DPP10: variants seen among roughly 807,000 people sequenced by gnomAD.
DPP10 encodes dipeptidyl peptidase like 10, also known as inactive dipeptidyl peptidase 10.
In DPP10, 33 loss-of-function variants were observed where a neutral mutation model predicts 120.9. The ratio of observed to expected loss-of-function variants is 0.27; its 90% CI spans 0.21 to 0.37. The LOEUF (loss-of-function observed/expected upper bound fraction) is 0.37, where lower values mean the gene tolerates loss of function less well. Among genes scored for constraint, DPP10 ranks in the 10% least tolerant of loss-of-function variants. The probability of loss-of-function intolerance (pLI) is 1.00; values close to 1 mark genes in which losing one functional copy is unlikely to be tolerated. For missense variants in DPP10, 816 were observed against 942.8 expected, an observed-to-expected ratio of 0.87 and a Z score of 1.76; for synonymous variants, 337 against 326.1, an observed-to-expected ratio of 1.03 and a Z score of -0.36.
At chr2:114,668,007 CA>C (rs1207478338) in intron 1 of DPP10, among the ~76,000 whole-genome samples, 2 of 151,884 alleles carry the variant, frequency 1.3e-5, no homozygotes, top group Non-Finnish European at 2.9e-5. Context: ...AGAAAGAAAA[CA>C]TTTTTTTTTT....
At chr2:115,530,728 G>A (rs1326261920) in intron 5 of DPP10, among the ~76,000 whole-genome samples, 1 of 151,856 alleles carries the variant, frequency 6.6e-6, no homozygotes, top group African/African-American at 2.4e-5. Flanking sequence ...AATAAGGCAA[G>A]CAGTCATTCT....
intron 1 of DPP10, among the ~76,000 whole-genome samples, chr2:114,483,085 C>T (rs966903094): frequency 6.6e-6 from 1 of 152,094 alleles, no homozygotes; most frequent in African/African-American, 2.4e-5. Context: ...AAACGTGACC[C>T]AGGAGTTGAA....
intron 1 of DPP10, among the ~76,000 whole-genome samples, chr2:114,721,596 T>A (rs1049721048): frequency 6.6e-6 from 1 of 152,184 alleles, no homozygotes; most frequent in African/African-American, 2.4e-5. Flanking sequence ...TACCTCTTGG[T>A]CCTTAGCTAC....
chr2:114,622,406 C>CT (rs11358430), intron 1 of DPP10, among the ~76,000 whole-genome samples: 133 of 143,268 alleles, frequency 9.3e-4, no homozygotes, highest in South Asian at 2.4e-3. Context: ...ATCCATCTAT[C>CT]TTTTTTTTTT....
chr2:115,669,216 G>A (rs1274438573), intron 5 of DPP10, among the ~76,000 whole-genome samples: 2 of 152,090 alleles, frequency 1.3e-5, no homozygotes, highest in Non-Finnish European at 2.9e-5. Flanking sequence ...GCTATCAGTT[G>A]AGAAGTAATC....
intron 10 of DPP10, among the ~76,000 whole-genome samples, chr2:115,749,064 A>C (rs571435686): frequency 1.3e-5 from 2 of 152,294 alleles, no homozygotes; most frequent in Non-Finnish European, 2.9e-5. Flanking sequence ...CTTTTTGAAT[A>C]TCCCCAGAAC....
chr2:115,775,192 G>A (rs1414814837), intron 13 of DPP10, among the ~76,000 whole-genome samples: 3 of 151,202 alleles, frequency 2.0e-5, no homozygotes, highest in South Asian at 4.2e-4. Context: ...TTTAGAAAAG[G>A]AAGAGAATAA....
chr2:114,604,009 C>T (rs1023493613), intron 1 of DPP10, among the ~76,000 whole-genome samples: 2 of 152,004 alleles, frequency 1.3e-5, no homozygotes, highest in Admixed American at 1.3e-4. Context: ...GTGTAAGCTT[C>T]CTAGAGTCAT....
chr2:114,451,387 C>T (rs1324463040), intron 1 of DPP10, among the ~76,000 whole-genome samples: 1 of 151,710 alleles, frequency 6.6e-6, no homozygotes, highest in Non-Finnish European at 1.5e-5. Context: ...AAGAGCATGG[C>T]TATGATATAA....
At chr2:114,581,259 C>T (rs560461819) in intron 1 of DPP10, among the ~76,000 whole-genome samples, 2 of 134,544 alleles carry the variant, frequency 1.5e-5, no homozygotes, top group East Asian at 4.8e-4. Context: ...TCTTGGCTCA[C>T]TGCAAGCTCC....
intron 1 of DPP10, among the ~76,000 whole-genome samples, chr2:114,549,808 A>G (rs1256044668): frequency 6.6e-6 from 1 of 152,072 alleles, no homozygotes; most frequent in African/African-American, 2.4e-5. Context: ...CTCACCATAA[A>G]GGCAGCCCCA....
chr2:115,490,806 A>G (rs371946070), intron 3 of DPP10, among the ~76,000 whole-genome samples: 1 of 152,330 alleles, frequency 6.6e-6, no homozygotes, highest in East Asian at 1.9e-4. Flanking sequence ...TAAAACACTA[A>G]GGAAGACCTT....
At position 114,757,413 on chromosome 2, in the gene DPP10, GGAAGGAAGGAAA is replaced by G. The variant is rs1437109136; in HGVS notation, c.60+314587_60+314598del. On this transcript the variant is annotated intron_variant, in intron 1 of 25. Coordinates refer to ENST00000410059, the MANE Select transcript of DPP10 (RefSeq NM_020868.6). ...GAGGGAGGGAGAGAGAGAGAGGGAA[GGAAGGAAGGAAA>G]GAAGGAAGGAAGGAAAAAAGATTCA... is the stretch of plus-strand genomic sequence containing the variant. 1.5e-3 allele frequency among the ~76,000 whole-genome samples: 226 copies of G among 150,430 alleles called. 2 individuals are homozygous for G. Among genetic ancestry groups the G allele is most frequent in the South Asian group, 8.1e-3 (38 of 4,718 alleles).
chr2:115,162,285 G>T, intron 1 of DPP10: 1 of 1,531,698 alleles, frequency 6.5e-7, no homozygotes, highest in East Asian at 2.5e-5. Flanking sequence ...AAAGGCTGAA[G>T]GTGCCCCGGG....
intron 1 of DPP10, among the ~76,000 whole-genome samples, chr2:114,826,742 C>T (rs555402915): frequency 6.6e-6 from 1 of 152,252 alleles, no homozygotes; most frequent in South Asian, 2.1e-4. Context: ...ATTGGCCAGG[C>T]TGGTCCCATC....
chr2:115,687,375 A>G lies in DPP10; in HGVS notation c.442-2312A>G, dbSNP rs1338028017. Among the ~76,000 whole-genome samples the G allele has an allele frequency of 2.0e-5, 3 of 152,044 alleles. No homozygotes were observed. In the East Asian group the frequency reaches 5.8e-4, roughly 29 times the overall value. On this transcript the variant is annotated intron_variant, in intron 5 of 25. Coordinates refer to ENST00000410059, the MANE Select transcript of DPP10 (RefSeq NM_020868.6). ...TGAGATCTGCTGGGAACACACACACATGCATAAAAAGATAGTGAATTTGGA... is the reference window on the plus strand; with the variant it reads ...TGAGATCTGCTGGGAACACACACACGTGCATAAAAAGATAGTGAATTTGGA...
chr2:114,776,213 A>G (rs1328656778), intron 1 of DPP10, among the ~76,000 whole-genome samples: 2 of 152,206 alleles, frequency 1.3e-5, no homozygotes, highest in African/African-American at 4.8e-5. Context: ...TGAGTGAACA[A>G]TTGAACAACA....
chr2:114,694,100 C>T (rs1334497682), intron 1 of DPP10, among the ~76,000 whole-genome samples: 1 of 151,908 alleles, frequency 6.6e-6, no homozygotes, highest in Non-Finnish European at 1.5e-5. Flanking sequence ...ATAAATCCTA[C>T]AATTGCCACT....
intron 1 of DPP10, among the ~76,000 whole-genome samples, chr2:114,742,691 A>C (rs1678181632): frequency 6.6e-6 from 1 of 152,224 alleles, no homozygotes; most frequent in Non-Finnish European, 1.5e-5. Flanking sequence ...TACAGACCAC[A>C]CATTTGAAAG....
Sources: allele counts gnomAD v4.1 joint callset (sites outside exome capture counted in the v4.1 genomes callset), GRCh38; gene constraint gnomAD v4.1.1; transcripts MANE v1.5; gene names NCBI Gene and HGNC (gene_info 2026-07-23, HGNC 2026-07-21).